The following MCM4 variants were observed in gnomAD, a reference collection of about 807,000 sequenced individuals.
The protein encoded by MCM4 is DNA replication licensing factor MCM4.
In MCM4, 60 loss-of-function variants were observed where a neutral mutation model predicts 88.7. The observed-to-expected ratio is 0.68, with a 90% CI of 0.55 to 0.84. The LOEUF is 0.84. Among genes scored for constraint, MCM4 ranks in the 40% least tolerant of loss-of-function variants. The probability of loss-of-function intolerance (pLI) is 0.00; values close to 1 mark genes in which losing one functional copy is unlikely to be tolerated. For synonymous variants in MCM4, 465 were observed against 410.5 expected (o/e 1.13, Z -1.61); for missense variants, 1,149 against 1,105.5 (o/e 1.04, Z -0.56).
In MCM4 at chr8:47,961,169, A is replaced by G. The variant is rs754705495; in HGVS notation, c.25A>G (p.Ser9Gly). MSSPASTP[S>G]RRGSRRGRAT... ...TATGTCGTCCCCGGCGTCGACCCCG[A>G]GCCGCCGCGGCAGCCGGCGTGGAAG... Residue 9 changes from serine (S) to glycine (G), a missense_variant, in exon 2 of 17, where the codon AGC becomes GGC. By Grantham distance (56) the Ser-to-Gly change is moderately conservative. Coordinates refer to ENST00000649973, the MANE Select transcript of MCM4 (RefSeq NM_182746.3). The G allele has an allele frequency of 1.3e-6, 2 of 1,551,334 alleles. No homozygotes were observed. Among genetic ancestry groups the G allele is most frequent in the Admixed American group, 1.8e-5 (1 of 55,240 alleles).
rs776209445 is a variant in MCM4, at chr8:47,967,367, C to A, written c.1056C>A (p.Ile352=). 6.2e-7 allele frequency: 1 copy of A among 1,614,146 alleles called. No individual in the cohort carries two copies. Among genetic ancestry groups the A allele is most frequent in the Admixed American group, 1.7e-5 (1 of 60,018 alleles). Residue 352 remains isoleucine, a splice_region_variant and synonymous_variant, in exon 10 of 17, where the codon ATC becomes ATA. Transcript: ENST00000649973. ...GTTCTCTGTTTGCTGACCTTCAGAT[C>A]AAGCTTCAGGAGTCTCCGGAAGACA... is the stretch of plus-strand genomic sequence containing the variant. ...NRSLFSDKQM[I]KLQESPEDMP...
At position 47,970,505 on chromosome 8, in the gene MCM4, A is replaced by G; in HGVS notation, c.1435-6A>G. Reference sequence around the variant, plus strand: ...TGAATGTTTAGACATGTCTCTGATTATTTAGGGAATTTTGCTTCAGCTCTT... The same window carrying G: ...TGAATGTTTAGACATGTCTCTGATTGTTTAGGGAATTTTGCTTCAGCTCTT... On this transcript the variant is annotated splice_polypyrimidine_tract_variant and splice_region_variant and intron_variant, in intron 11 of 16. Coordinates refer to ENST00000649973, the MANE Select transcript of MCM4 (RefSeq NM_182746.3). The G allele has an allele frequency of 6.3e-7, 1 of 1,591,616 alleles. No homozygotes were observed. Among genetic ancestry groups the G allele is most frequent in the Non-Finnish European group, 8.6e-7 (1 of 1,164,812 alleles).
In MCM4 at chr8:47,976,979, A is replaced by C. The variant is rs1294954345; in HGVS notation, c.*201A>C. On this transcript the variant is annotated 3_prime_UTR_variant, in exon 17 of 17. Transcript: ENST00000649973. The stretch of plus-strand genomic sequence containing the variant: ...TTTTCACGTTATAAATAAAAATACT[A>C]TGCTGGCCGGGCGCGGTGGCTCACA... 1 of 432,384 alleles carries C rather than the reference A, an allele frequency of 2.3e-6. No individual in the cohort carries two copies. Among genetic ancestry groups the C allele is most frequent in the East Asian group, 4.2e-5 (1 of 23,830 alleles). 26.8% of individuals were successfully genotyped at this position (432,384 alleles called of 1,614,324 possible).
intron 14 of MCM4, chr8:47,974,375 T>C (rs990889447): frequency 8.7e-5 from 18 of 207,644 alleles, no homozygotes; most frequent in Admixed American, 2.6e-4. Context: ...GGCCTGATTC[T>C]CCCTATGAGT....
intron 9 of MCM4, among the ~76,000 whole-genome samples, chr8:47,967,008 G>C (rs769346159): frequency 6.6e-6 from 1 of 152,344 alleles, no homozygotes; most frequent in Admixed American, 6.5e-5. Context: ...GGAGCACATG[G>C]CCTCCTATTC....
At chr8:47,961,394 T>A in intron 2 of MCM4, 122 bp from the exon 3 acceptor site, 3 of 1,566,770 alleles carry the variant, frequency 1.9e-6, no homozygotes, top group Non-Finnish European at 2.6e-6. Flanking sequence ...CTTAATTCGA[T>A]TGCCATTTGC....
chr8:47,974,635 G>A lies in MCM4; in HGVS notation c.2137-99G>A, dbSNP rs192457997. Reference sequence around the variant, plus strand: ...GGGCCCAGGACCATATCTGAGTTCCGTTTACTTAATGGAAGCCTAAGTGTT... The same window carrying A: ...GGGCCCAGGACCATATCTGAGTTCCATTTACTTAATGGAAGCCTAAGTGTT... On this transcript the variant is annotated intron_variant, in intron 14 of 16. Transcript: ENST00000649973. The A allele has an allele frequency of 2.0e-4, 178 of 902,010 alleles. No homozygotes were observed. The African/African-American group carries it at 2.1e-3, about 11-fold the overall frequency. 55.9% of individuals were successfully genotyped at this position (902,010 alleles called of 1,614,324 possible). A position where few individuals can be genotyped will look rare whatever the true frequency, so the allele number is the denominator to read the frequency against.
intron 14 of MCM4, chr8:47,973,787 A>G (rs549139279): frequency 6.6e-6 from 1 of 152,390 alleles, no homozygotes; most frequent in East Asian, 1.9e-4. Flanking sequence ...CGCGCCTAGC[A>G]ATATACTATT....
chr8:47,963,566 T>C (rs540893812), intron 7 of MCM4, among the ~76,000 whole-genome samples: 1 of 152,354 alleles, frequency 6.6e-6, no homozygotes, highest in Admixed American at 6.5e-5. Context: ...TATGGTTTAC[T>C]TGGCAGTGTT....
chr8:47,971,305 G>A lies in MCM4; in HGVS notation c.1801-36G>A, dbSNP rs1229395832. ...CGGTGCTTGTTAATTGCCAGCGTCA[G>A]GGAGAGGCTTCTAACTGCACTCTTT... On this transcript the variant is annotated intron_variant, in intron 12 of 16. Coordinates refer to ENST00000649973, the MANE Select transcript of MCM4 (RefSeq NM_182746.3). The A allele has an allele frequency of 5.0e-6, 8 of 1,612,418 alleles. No homozygotes were observed. In the East Asian group the frequency reaches 1.8e-4, roughly 36 times the overall value.
At chr8:47,974,043 C>G (rs991313855) in intron 14 of MCM4, 4 of 152,092 alleles carry the variant, frequency 2.6e-5, no homozygotes, top group Non-Finnish European at 5.9e-5. Context: ...ACAGAATGAG[C>G]TGTCTTTTAG....
chr8:47,972,098 G>A (rs369810739), intron 13 of MCM4, among the ~76,000 whole-genome samples: 11 of 151,816 alleles, frequency 7.2e-5, no homozygotes, highest in Non-Finnish European at 1.3e-4. Flanking sequence ...CCGGCGTGGC[G>A]GCGCATGCCT....
At position 47,970,636 on chromosome 8, in the gene MCM4, G is replaced by C; in HGVS notation, c.1560G>C (p.Leu520=). The C allele has an allele frequency of 1.2e-6, 2 of 1,614,160 alleles. No homozygotes were observed. The highest frequency in any genetic ancestry group is 2.2e-5 in the South Asian group (2 of 91,082). The change falls in exon 12 of 17, where the codon CTG becomes CTC. Residue 520 remains leucine, a synonymous_variant. Transcript: ENST00000649973. The stretch of plus-strand genomic sequence containing the variant: ...CTGGTACCAGCAAGTCCCAGCTGCT[G>C]CAGTACGTGTACAACCTCGTCCCCA... ...GDPGTSKSQL[L]QYVYNLVPRG...
chr8:47,969,888 G>A lies in MCM4; in HGVS notation c.1265G>A (p.Arg422Gln), dbSNP rs767234146. ...YKTHIDVIHY[R>Q]KTDAKRLHGL... ...ACCCACATTGATGTCATTCATTATCGGAAAACGGATGCAAAACGTCTGCAT... is the reference window on the plus strand; with the variant it reads ...ACCCACATTGATGTCATTCATTATCAGAAAACGGATGCAAAACGTCTGCAT... Residue 422 changes from arginine to glutamine, a missense_variant, in exon 11 of 17, where the codon CGG becomes CAG. Physicochemically the swap from Arg to Gln is conservative, Grantham distance 43. Transcript: ENST00000649973. The A allele has an allele frequency of 4.2e-5, 67 of 1,614,072 alleles. 1 individual carries two copies. The highest frequency in any genetic ancestry group is 8.3e-5 in the Admixed American group (5 of 60,000).
intron 10 of MCM4, 140 bp from the exon 11 acceptor site, chr8:47,969,657 GA>G: frequency 1.4e-6 from 1 of 731,514 alleles, no homozygotes; most frequent in Non-Finnish European, 2.2e-6. Flanking sequence ...GGTCATTTAA[GA>G]GACGGTGGAG....
In MCM4 at chr8:47,970,405, C is replaced by T. The variant is rs552283788; in HGVS notation, c.1435-106C>T. The T allele has an allele frequency of 1.1e-4, 148 of 1,403,340 alleles. No homozygotes were observed. In the African/African-American group the frequency reaches 1.8e-3, roughly 17 times the overall value. The allele number at this position is 1,403,340 out of a possible 1,614,324, so 86.9% of individuals were successfully genotyped here. On this transcript the variant is annotated intron_variant, in intron 11 of 16. Transcript: ENST00000649973. ...GCCTTTTTATACCTTCCTGTGATTT[C>T]TTAATTGTAGTTCTTTATAAGAGAG...
chr8:47,962,917 A>T, intron 6 of MCM4, 28 bp from the exon 7 acceptor site: 2 of 1,573,212 alleles, frequency 1.3e-6, no homozygotes, highest in Non-Finnish European at 1.7e-6. Context: ...AATTAGCAAA[A>T]TATAACTTGT....
At chr8:47,971,877 CT>C (rs913246018) in intron 13 of MCM4, among the ~76,000 whole-genome samples, 18 of 150,604 alleles carry the variant, frequency 1.2e-4, no homozygotes, top group African/African-American at 3.7e-4. Flanking sequence ...GCTTTTTTTT[CT>C]TTTTTTTTGA....
Position 47,961,664 on chromosome 8 carries a change from C to G in MCM4, c.219C>G (p.Pro73=). Residue 73 remains proline (P), a synonymous_variant, in exon 3 of 17, where the codon CCC becomes CCG. Transcript: ENST00000649973. ...AGGACGTGCTGTTTTCCAGCCCTCC[C>G]CAAATGCATTCTTCAGGTGCGTGTC... ...AAQDVLFSSP[P]QMHSSAIPLD... is the part of the protein sequence containing the mutation. The G allele has an allele frequency of 6.2e-7, 1 of 1,610,344 alleles. No individual in the cohort carries two copies. Among genetic ancestry groups the G allele is most frequent in the South Asian group, 1.1e-5 (1 of 90,842 alleles).
Sources: allele counts gnomAD v4.1 joint callset (sites outside exome capture counted in the v4.1 genomes callset), GRCh38; gene constraint gnomAD v4.1.1; transcripts MANE v1.5; gene names NCBI Gene and HGNC (gene_info 2026-07-23, HGNC 2026-07-21).